Variants in SNX29 observed in about 807,000 individuals in gnomAD.
The protein encoded by SNX29 is sorting nexin 29.
SNX29 carries 78 observed loss-of-function variants against 102.1 expected under a neutral mutation model. That is an observed-to-expected ratio of 0.76 (90% CI 0.64 to 0.92). The LOEUF is 0.92. Among genes scored for constraint, SNX29 ranks in the 40% least tolerant of loss-of-function variants. The pLI is 0.00. For missense variants in SNX29, 1,280 were observed against 1,061.7 expected (o/e 1.21, Z -2.86); for synonymous variants, 580 against 414.5 (o/e 1.40, Z -4.85).
At chr16:12,142,323 T>C (rs1418118008) in intron 13 of SNX29, among the ~76,000 whole-genome samples, 2 of 151,644 alleles carry the variant, frequency 1.3e-5, no homozygotes, top group Non-Finnish European at 2.9e-5. Flanking sequence ...CTGAGCTGAG[T>C]GAGTTGTGCC....
intron 19 of SNX29, among the ~76,000 whole-genome samples, chr16:12,513,485 A>C (rs1054569238): frequency 2.0e-5 from 3 of 151,708 alleles, no homozygotes; most frequent in Non-Finnish European, 4.4e-5. Context: ...GTACCCTTGC[A>C]AAACACCTTC....
At chr16:12,043,277 G>A (rs1265547524) in intron 5 of SNX29, among the ~76,000 whole-genome samples, 200 bp downstream of exon 5, 1 of 152,190 alleles carries the variant, frequency 6.6e-6, no homozygotes, top group East Asian at 1.9e-4. Context: ...AAAGGGCTCG[G>A]CATGGCACTT....
chr16:12,043,045 G>C lies in SNX29; in HGVS notation c.396G>C (p.Leu132=), dbSNP rs1427324479. The change falls in exon 5 of 21, where the codon CTG becomes CTC. Residue 132 remains leucine, a synonymous_variant. Transcript: ENST00000566228. The part of the protein sequence containing the change: ...ALNEHSLERY[L]HMLLADRCRL... ...ACGAACACTCCCTGGAGCGCTACCT[G>C]CACATGCTCCTGGCCGACCGCTGCA... 6.2e-7 allele frequency: 1 copy of C among 1,613,384 alleles called. No individual in the cohort carries two copies. The highest frequency in any genetic ancestry group is 8.5e-7 in the Non-Finnish European group (1 of 1,179,870).
chr16:12,424,967 G>T (rs1192763507), intron 18 of SNX29, among the ~76,000 whole-genome samples: 2 of 152,190 alleles, frequency 1.3e-5, no homozygotes, highest in African/African-American at 2.4e-5. Flanking sequence ...AAATAAATTG[G>T]GGTACATTCA....
At chr16:12,154,573 A>G (rs560263717) in intron 13 of SNX29, among the ~76,000 whole-genome samples, 1 of 152,306 alleles carries the variant, frequency 6.6e-6, no homozygotes, top group African/African-American at 2.4e-5. Context: ...CTTCATCCTC[A>G]GGCCTGAACT....
At chr16:12,376,868 TA>T (rs2082894713) in intron 16 of SNX29, among the ~76,000 whole-genome samples, 1 of 152,062 alleles carries the variant, frequency 6.6e-6, no homozygotes, top group Non-Finnish European at 1.5e-5. Flanking sequence ...CGTTCTATCC[TA>T]CATTGTATAT....
In SNX29 at chr16:12,043,059, C is replaced by A. The variant is rs2049949838; in HGVS notation, c.410C>A (p.Ala137Asp). The change falls in exon 5 of 21, where the codon GCC becomes GAC. Residue 137 changes from alanine to aspartate, a missense_variant. Physicochemically the swap from Ala to Asp is moderately radical, Grantham distance 126. Transcript: ENST00000566228. ...SLERYLHMLL[A>D]DRCRLSTFYE... The stretch of plus-strand genomic sequence containing the variant: ...GAGCGCTACCTGCACATGCTCCTGG[C>A]CGACCGCTGCAGGCTGAGGTACGTG... 2 of 1,613,298 alleles carry A rather than the reference C, an allele frequency of 1.2e-6. No individual in the cohort carries two copies. Among genetic ancestry groups the A allele is most frequent in the African/African-American group, 2.7e-5 (2 of 75,044 alleles).
intron 15 of SNX29, among the ~76,000 whole-genome samples, chr16:12,323,379 T>G (rs2081019900): frequency 6.6e-6 from 1 of 152,190 alleles, no homozygotes; most frequent in Non-Finnish European, 1.5e-5. Context: ...TTCTCTCACT[T>G]TTTACCTAAA....
intron 20 of SNX29, chr16:12,557,265 G>A (rs1017584754): frequency 2.0e-5 from 3 of 152,282 alleles, no homozygotes; most frequent in African/African-American, 7.2e-5. Flanking sequence ...AAGATAAGTG[G>A]GGAGTGCAGG....
intron 1 of SNX29, among the ~76,000 whole-genome samples, chr16:11,996,788 G>T (rs745567408): frequency 2.6e-5 from 4 of 152,184 alleles, no homozygotes; most frequent in African/African-American, 4.8e-5. Flanking sequence ...AGACACAGGT[G>T]TCAAGAGGTG....
At chr16:12,552,635 C>T (rs1016187336) in intron 20 of SNX29, among the ~76,000 whole-genome samples, 9 of 152,268 alleles carry the variant, frequency 5.9e-5, no homozygotes, top group Middle Eastern at 3.4e-3. Context: ...AAACACCAAA[C>T]AAATGGAAGG....
At chr16:12,443,429 A>G (rs1188171350) in intron 18 of SNX29, 2 of 155,284 alleles carry the variant, frequency 1.3e-5, no homozygotes, top group African/African-American at 2.4e-5. Context: ...ACCCCAAAAC[A>G]TCAGCTCTAA....
At chr16:12,239,639 CAAAAAAAAAAA>C (rs61024203) in intron 14 of SNX29, among the ~76,000 whole-genome samples, 52 of 62,572 alleles carry the variant, frequency 8.3e-4, no homozygotes, top group Non-Finnish European at 1.0e-3. Context: ...CCTGTTTCTA[CAAAAAAAAAAA>C]AAAAAAAAAA....
chr16:12,561,309 C>T (rs550086417), intron 20 of SNX29, among the ~76,000 whole-genome samples: 5 of 152,266 alleles, frequency 3.3e-5, no homozygotes, highest in South Asian at 4.2e-4. Flanking sequence ...ATCTTCACAT[C>T]CTGGAGGCAG....
chr16:12,232,233 A>C (rs1224755513), intron 14 of SNX29, among the ~76,000 whole-genome samples: 1 of 152,204 alleles, frequency 6.6e-6, no homozygotes, highest in East Asian at 1.9e-4. Context: ...GATGTGGTTT[A>C]AATGCTTGAA....
intron 18 of SNX29, among the ~76,000 whole-genome samples, chr16:12,429,924 A>G (rs936780028): frequency 2.0e-5 from 3 of 152,196 alleles, no homozygotes; most frequent in African/African-American, 7.2e-5. Context: ...CAGGCAGCTT[A>G]CTGAACTGCT....
chr16:12,138,724 G>T (rs2054754269), intron 13 of SNX29, among the ~76,000 whole-genome samples: 2 of 152,106 alleles, frequency 1.3e-5, no homozygotes, highest in Non-Finnish European at 2.9e-5. Flanking sequence ...TGGATGAGAG[G>T]AGGGGAGGAA....
intron 15 of SNX29, among the ~76,000 whole-genome samples, chr16:12,323,344 A>G (rs2081018672): frequency 6.6e-6 from 1 of 152,140 alleles, no homozygotes; most frequent in Admixed American, 6.5e-5. Flanking sequence ...GCCCACCACT[A>G]CTGATTTAAT....
intron 15 of SNX29, among the ~76,000 whole-genome samples, chr16:12,333,084 A>G (rs1596953315): frequency 1.3e-5 from 2 of 149,302 alleles, no homozygotes; most frequent in Admixed American, 1.4e-4. Flanking sequence ...TCATTCACAA[A>G]TGTTTTGCAG....
Sources: gnomAD v4.1 joint callset for allele counts (sites outside exome capture counted in the v4.1 genomes callset) on GRCh38, gnomAD v4.1.1 for gene constraint, MANE v1.5 for transcripts, NCBI Gene and HGNC (gene_info 2026-07-23, HGNC 2026-07-21) for gene names.